The following ZNF469 variants were observed in gnomAD, a reference collection of about 807,000 sequenced individuals.
ZNF469 encodes zinc finger protein 469.
Under a neutral mutation model 1.0 loss-of-function variants are expected in ZNF469, and 1 was observed. The ratio of observed to expected loss-of-function variants is 1.00; its 90% confidence interval spans 0.35 to 4.73. The LOEUF is 4.73. ZNF469 is among the 30% of genes most tolerant of loss of function. The probability of loss-of-function intolerance (pLI) is 0.16; values close to 1 mark genes in which losing one functional copy is unlikely to be tolerated. For synonymous variants in ZNF469, 2,703 were observed against 2,363.4 expected (o/e 1.14, Z -4.17); for missense variants, 6,100 against 5,356.3 (o/e 1.14, Z -4.33).
the ZNF469 span, among the ~76,000 whole-genome samples, chr16:88,374,118 T>C: frequency 6.0e-3 from 909 of 152,148 alleles, 10 homozygotes; most frequent in African/African-American, 0.02. Flanking sequence ...CAGATGCACA[T>C]AGCCCTGCAT....
At chr16:88,217,058 A>T in the ZNF469 span, among the ~76,000 whole-genome samples, 157 of 152,116 alleles carry the variant, frequency 1.0e-3, no homozygotes, top group South Asian at 4.8e-3. Context: ...TGTTATCTGG[A>T]TCATCTCTGT....
rs116532825 is a variant in ZNF469 at position 88,431,833 on chromosome 16, C to T, written c.4363C>T (p.Leu1455Phe). ...GCCACCGACCTTGGAGTCCTCATCC[C>T]TCTTCCCAGACCTGCCGGTGGACAG... ...ASPPTLESSSLFPDLPVDRFD... is the reference protein window; with the variant it reads ...ASPPTLESSSFFPDLPVDRFD... Residue 1455 changes from leucine (L) to phenylalanine (F), a missense_variant, in exon 3 of 3, where the codon CTC becomes TTC. Transcript: ENST00000565624. 1.3e-6 allele frequency: 2 copies of T among 1,549,706 alleles called. No homozygotes were observed. Among genetic ancestry groups the T allele is most frequent in the Non-Finnish European group, 8.7e-7 (1 of 1,146,926 alleles).
the ZNF469 span, among the ~76,000 whole-genome samples, chr16:88,130,997 T>C: frequency 6.6e-6 from 1 of 152,318 alleles, no homozygotes; most frequent in South Asian, 2.1e-4. Flanking sequence ...GGGCGTGTGC[T>C]TCTCCTGTTC....
At chr16:88,426,731 G>A (rs928917517) in intron 2 of ZNF469, among the ~76,000 whole-genome samples, 3 of 151,456 alleles carry the variant, frequency 2.0e-5, no homozygotes, top group African/African-American at 7.4e-5. Context: ...GCAGGATCTG[G>A]AGGTTACCCT....
the ZNF469 span, among the ~76,000 whole-genome samples, chr16:88,311,653 G>C: frequency 6.6e-6 from 1 of 152,286 alleles, no homozygotes; most frequent in Non-Finnish European, 1.5e-5. Context: ...GGTGGTTTCA[G>C]GGCTGTCCCT....
At chr16:88,186,322 C>G in the ZNF469 span, among the ~76,000 whole-genome samples, 1 of 152,196 alleles carries the variant, frequency 6.6e-6, no homozygotes, top group Non-Finnish European at 1.5e-5. Context: ...CTTGGCCTTT[C>G]CCCTCTTTCC....
chr16:88,239,697 ATATATATATATATATATATTTTTTTT>A, the ZNF469 span, among the ~76,000 whole-genome samples: 1 of 6,576 alleles, frequency 1.5e-4, no homozygotes, highest in African/African-American at 8.0e-4. Flanking sequence ...ATATATATAT[ATATATATATATATATATATTTTTTTT>A]TTTTTTTTTT....
chr16:88,340,202 G>C, the ZNF469 span, among the ~76,000 whole-genome samples: 6 of 152,208 alleles, frequency 3.9e-5, no homozygotes, highest in African/African-American at 1.4e-4. Context: ...CGGCACGGCA[G>C]CTTAAGGAGT....
the ZNF469 span, among the ~76,000 whole-genome samples, chr16:88,121,148 C>T: frequency 5.4e-5 from 5 of 92,666 alleles, no homozygotes; most frequent in African/African-American, 8.7e-5. Flanking sequence ...ATGAGGCACC[C>T]GCTATGTACC....
Position 88,434,302 on chromosome 16 carries a change from T to TC in ZNF469, c.6837dup (p.Ser2280GlnfsTer17), listed in dbSNP as rs1176712357. On this transcript the variant is annotated frameshift_variant, in exon 3 of 3. Coordinates refer to ENST00000565624, the MANE Select transcript of ZNF469 (RefSeq NM_001367624.2). LOFTEE classifies it low-confidence loss of function (END_TRUNC). ...CTCTCCTCCTCTGGCAGGGGCCGTC[T>TC]CCCCCAGCGTGGCCGTCAGGGCTAC... 6.5e-7 allele frequency: 1 copy of TC among 1,550,000 alleles called. No homozygotes were observed. Among genetic ancestry groups the TC allele is most frequent in the Non-Finnish European group, 8.7e-7 (1 of 1,146,918 alleles).
chr16:88,436,096 CAT>C lies in ZNF469; in HGVS notation c.8627_8628del (p.His2876ArgfsTer7). 1 of 1,549,800 alleles carries C rather than the reference CAT, an allele frequency of 6.5e-7. No homozygotes were observed. The highest frequency in any genetic ancestry group is 8.7e-7 in the Non-Finnish European group (1 of 1,146,964). On this transcript the variant is annotated frameshift_variant, in exon 3 of 3. Transcript: ENST00000565624. LOFTEE classifies it low-confidence loss of function (END_TRUNC). ...GGRLTRKRNP[H>X]VYGKRCEKPV... ...TCGCTTGACTAGAAAGAGGAACCCG[CAT>C]GTCTACGGGAAGCGCTGTGAGAAGC...
intron 1 of ZNF469, among the ~76,000 whole-genome samples, chr16:88,384,305 G>A (rs747786633): frequency 1.3e-5 from 2 of 152,234 alleles, no homozygotes; most frequent in Non-Finnish European, 2.9e-5. Context: ...CCTTCTGCCG[G>A]TCGGGTGGAC....
At chr16:88,395,295 ATT>A (rs1904626811) in intron 1 of ZNF469, among the ~76,000 whole-genome samples, 1 of 86,642 alleles carries the variant, frequency 1.2e-5, no homozygotes, top group Non-Finnish European at 2.1e-5. Flanking sequence ...GGGTGGATGG[ATT>A]GATGGGTTGG....
chr16:88,217,308 G>A, the ZNF469 span, among the ~76,000 whole-genome samples: 1 of 152,132 alleles, frequency 6.6e-6, no homozygotes, highest in Non-Finnish European at 1.5e-5. Flanking sequence ...CTGCAGCCTG[G>A]CAAACTCTAT....
chr16:88,202,477 C>G, the ZNF469 span, among the ~76,000 whole-genome samples: 385 of 152,320 alleles, frequency 2.5e-3, 1 homozygote, highest in Non-Finnish European at 3.9e-3. Context: ...CAGCCAGCAC[C>G]TCTCAGGTGC....
chr16:88,195,955 G>C, the ZNF469 span, among the ~76,000 whole-genome samples: 2 of 152,220 alleles, frequency 1.3e-5, no homozygotes, highest in South Asian at 2.1e-4. Context: ...GATTAACTTG[G>C]GAAACTGGAA....
At chr16:88,214,781 G>C in the ZNF469 span, among the ~76,000 whole-genome samples, 1 of 152,146 alleles carries the variant, frequency 6.6e-6, no homozygotes, top group Admixed American at 6.5e-5. Flanking sequence ...GTGTTAGTTT[G>C]CTGAGAATGA....
chr16:88,240,956 G>A, the ZNF469 span, among the ~76,000 whole-genome samples: 9 of 152,066 alleles, frequency 5.9e-5, no homozygotes, highest in East Asian at 3.9e-4. Context: ...GGGGCTGGGC[G>A]GAAACCCCAT....
chr16:88,366,290 C>T, the ZNF469 span, among the ~76,000 whole-genome samples: 1 of 151,416 alleles, frequency 6.6e-6, no homozygotes, highest in Non-Finnish European at 1.5e-5. Context: ...TTCACCACCA[C>T]CACCATCATC....
Sources: allele counts gnomAD v4.1 joint callset (sites outside exome capture counted in the v4.1 genomes callset), GRCh38; gene constraint gnomAD v4.1.1; transcripts MANE v1.5; gene names NCBI Gene and HGNC (gene_info 2026-07-23, HGNC 2026-07-21).